NCKAP5: variants seen among roughly 807,000 people sequenced by gnomAD.
The protein encoded by NCKAP5 is nck-associated protein 5.
A neutral mutation model predicts 167.0 loss-of-function variants in NCKAP5; 92 were observed. The observed-to-expected ratio is 0.55, with a 90% CI of 0.47 to 0.66. The LOEUF (loss-of-function observed/expected upper bound fraction) is 0.66. Among genes scored for constraint, NCKAP5 ranks in the 30% least tolerant of loss-of-function variants. NCKAP5 has a pLI of 0.00. For synonymous variants in NCKAP5, 891 were observed against 877.4 expected, an observed-to-expected ratio of 1.02 and a Z score of -0.27; for missense variants, 2,378 against 2,315.0, an observed-to-expected ratio of 1.03 and a Z score of -0.56.
chr2:133,142,946 T>C (rs987446692), intron 5 of NCKAP5, among the ~76,000 whole-genome samples: 2 of 152,144 alleles, frequency 1.3e-5, no homozygotes, highest in Admixed American at 1.3e-4. Flanking sequence ...TAGACCTTTT[T>C]ATAAGCTCAA....
the NCKAP5 span, among the ~76,000 whole-genome samples, chr2:133,644,552 A>G: frequency 6.6e-6 from 1 of 152,200 alleles, no homozygotes; most frequent in South Asian, 2.1e-4. Context: ...AGAACATTTC[A>G]GCTCTAGACA....
intron 19 of NCKAP5, among the ~76,000 whole-genome samples, chr2:132,711,939 G>A (rs16840331): frequency 0.011 from 1,672 of 152,262 alleles, 30 homozygotes; most frequent in African/African-American, 0.038. Flanking sequence ...AGAATAAGCA[G>A]AAATAAAGAG....
At chr2:133,640,849 C>A in the NCKAP5 span, among the ~76,000 whole-genome samples, 2 of 152,188 alleles carry the variant, frequency 1.3e-5, no homozygotes, top group East Asian at 3.8e-4. Flanking sequence ...ATATGAACAA[C>A]TGCTGTAAGT....
At chr2:133,207,728 C>G (rs1011558247) in intron 5 of NCKAP5, among the ~76,000 whole-genome samples, 2 of 151,782 alleles carry the variant, frequency 1.3e-5, no homozygotes, top group African/African-American at 4.8e-5. Context: ...TAAATTGAGC[C>G]AAAAAATAAA....
intron 11 of NCKAP5, among the ~76,000 whole-genome samples, chr2:132,802,950 A>G (rs1252974854): frequency 1.3e-5 from 2 of 152,200 alleles, no homozygotes; most frequent in Non-Finnish European, 2.9e-5. Flanking sequence ...CACAAGTTTC[A>G]TTCTATTCCA....
At chr2:133,261,408 CAG>C (rs2088899823) in intron 4 of NCKAP5, among the ~76,000 whole-genome samples, 1 of 152,138 alleles carries the variant, frequency 6.6e-6, no homozygotes, top group South Asian at 2.1e-4. Context: ...TCTAACATAA[CAG>C]AGAAAATATC....
intron 6 of NCKAP5, among the ~76,000 whole-genome samples, chr2:133,050,560 A>G (rs1250449800): frequency 6.6e-6 from 1 of 152,218 alleles, no homozygotes; most frequent in Non-Finnish European, 1.5e-5. Flanking sequence ...TACTTGGGGA[A>G]GGAACAACAA....
At chr2:132,751,453 T>C (rs2104789520) in intron 16 of NCKAP5, among the ~76,000 whole-genome samples, 1 of 152,308 alleles carries the variant, frequency 6.6e-6, no homozygotes, top group South Asian at 2.1e-4. Flanking sequence ...CAGGTATTCC[T>C]TTATATCCAT....
In NCKAP5 at chr2:132,829,179, ATATT is replaced by A. The variant is rs542220592; in HGVS notation, c.807+31309_807+31312del. On this transcript the variant is annotated intron_variant, in intron 11 of 19. Transcript: ENST00000409261. ...AATGAGTATAATACAATAAGTTTAA[ATATT>A]TATTTAAGCATCAAAGTAAACAGCA... Among the ~76,000 whole-genome samples, 7 of 152,358 alleles carry A rather than the reference ATATT, an allele frequency of 4.6e-5. No individual in the cohort carries two copies. The South Asian group carries it at 1.2e-3, about 27-fold the overall frequency.
chr2:132,774,255 C>T (rs755825968), intron 15 of NCKAP5, among the ~76,000 whole-genome samples: 25 of 152,092 alleles, frequency 1.6e-4, no homozygotes, highest in Non-Finnish European at 3.1e-4. Flanking sequence ...TGTTAGGAAA[C>T]GTTAAAGTCT....
chr2:133,123,978 C>T (rs376306600), intron 6 of NCKAP5, among the ~76,000 whole-genome samples: 8 of 152,072 alleles, frequency 5.3e-5, no homozygotes, highest in Non-Finnish European at 7.4e-5. Flanking sequence ...CTCTGAGAAC[C>T]GATAATGTGA....
At chr2:133,264,057 C>A (rs1403176877) in intron 4 of NCKAP5, among the ~76,000 whole-genome samples, 1 of 152,224 alleles carries the variant, frequency 6.6e-6, no homozygotes, top group Non-Finnish European at 1.5e-5. Context: ...AAGCCTCCAC[C>A]TCCAGCAGTT....
intron 6 of NCKAP5, among the ~76,000 whole-genome samples, chr2:133,064,529 C>T (rs1269548750): frequency 6.6e-6 from 1 of 151,886 alleles, no homozygotes; most frequent in Non-Finnish European, 1.5e-5. Flanking sequence ...TGTTAAAGAG[C>T]TTTCTTGTAC....
intron 6 of NCKAP5, among the ~76,000 whole-genome samples, chr2:133,002,624 A>T (rs2077826340): frequency 6.6e-6 from 1 of 152,156 alleles, no homozygotes; most frequent in Non-Finnish European, 1.5e-5. Context: ...GGTACTCTCA[A>T]TTCCACCGAA....
intron 5 of NCKAP5, among the ~76,000 whole-genome samples, chr2:133,202,704 A>G (rs2085753570): frequency 6.6e-6 from 1 of 152,180 alleles, no homozygotes; most frequent in Non-Finnish European, 1.5e-5. Context: ...AAAAAATCAA[A>G]CAACCCCATC....
chr2:133,052,819 T>A lies in NCKAP5; in HGVS notation c.342-58580A>T, dbSNP rs184927270. Among the ~76,000 whole-genome samples, 261 of 152,098 alleles carry A rather than the reference T, an allele frequency of 1.7e-3. 2 individuals carry two copies. Among genetic ancestry groups the A allele is most frequent in the Middle Eastern group, 6.8e-3 (2 of 294 alleles). On this transcript the variant is annotated intron_variant, in intron 6 of 19. Transcript: ENST00000409261. ...CCTTGAATTGATAAACAATTGTTTA[T>A]CAACAATAGAATATTTGTTCAACTA...
At chr2:132,788,309 C>T (rs965946485) in intron 13 of NCKAP5, among the ~76,000 whole-genome samples, 1 of 151,968 alleles carries the variant, frequency 6.6e-6, no homozygotes, top group African/African-American at 2.4e-5. Flanking sequence ...TCTTCCATTT[C>T]TTGACTGGAC....
intron 3 of NCKAP5, among the ~76,000 whole-genome samples, chr2:133,400,993 G>A (rs535716422): frequency 2.0e-5 from 3 of 152,236 alleles, no homozygotes; most frequent in South Asian, 4.1e-4. Context: ...ACTCTGATGA[G>A]GTGACTCTTT....
At chr2:133,403,345 T>C (rs1369775024) in intron 3 of NCKAP5, among the ~76,000 whole-genome samples, 1 of 152,218 alleles carries the variant, frequency 6.6e-6, no homozygotes, top group East Asian at 1.9e-4. Context: ...TTGAATTAAA[T>C]TTACTTTAGC....
Sources: gnomAD v4.1 joint callset for allele counts (sites outside exome capture counted in the v4.1 genomes callset) on GRCh38, gnomAD v4.1.1 for gene constraint, MANE v1.5 for transcripts, NCBI Gene and HGNC (gene_info 2026-07-23, HGNC 2026-07-21) for gene names.